Variants in EVC observed in about 807,000 individuals in gnomAD.
The protein encoded by EVC is evC complex member EVC.
A neutral mutation model predicts 118.9 loss-of-function variants in EVC; 116 were observed. That is an observed-to-expected ratio of 0.98 (90% CI 0.84 to 1.14). The LOEUF (loss-of-function observed/expected upper bound fraction) is 1.14, where lower values mean the gene tolerates loss of function less well. Among genes scored for constraint, EVC ranks in the 50% most tolerant of loss-of-function variants. EVC has a pLI of 0.00. For missense variants in EVC, 1,401 were observed against 1,246.4 expected (o/e 1.12, Z -1.87); for synonymous variants, 619 against 534.7 (o/e 1.16, Z -2.18).
In EVC at chr4:5,811,624, C is replaced by G. The variant is rs568530777; in HGVS notation, c.*587C>G. 1 of 168,726 alleles carries G rather than the reference C, an allele frequency of 5.9e-6. No homozygotes were observed. Among genetic ancestry groups the G allele is most frequent in the Non-Finnish European group, 1.3e-5 (1 of 78,990 alleles). The allele number at this position is 168,726 out of a possible 1,614,324, so 10.5% of individuals were successfully genotyped here. A position where few individuals can be genotyped will look rare whatever the true frequency, so the allele number is the denominator to read the frequency against. ...GCATCCAGAAACTTCCAGACCAGCC[C>G]TCTCACCACACCCAGAAGAGGCCTT... On this transcript the variant is annotated 3_prime_UTR_variant, in exon 21 of 21. Coordinates refer to ENST00000264956, the MANE Select transcript of EVC (RefSeq NM_153717.3).
chr4:5,765,275 T>C lies in EVC; in HGVS notation c.1563+8913T>C, dbSNP rs1173061409. Among the ~76,000 whole-genome samples the C allele has an allele frequency of 1.7e-5, 2 of 118,000 alleles. 1 individual carries two copies. Among genetic ancestry groups the C allele is most frequent in the African/African-American group, 6.6e-5 (2 of 30,316 alleles). The allele number at this position is 118,000 out of a possible 152,430, so 77.4% of individuals were successfully genotyped here. On this transcript the variant is annotated intron_variant, in intron 11 of 20. Coordinates refer to ENST00000264956, the MANE Select transcript of EVC (RefSeq NM_153717.3). ...GCACTGTGGTCTGAGAGATAGTTTGTTATAAATTCTATTCTTTTACATTTG... is the reference window on the plus strand; with the variant it reads ...GCACTGTGGTCTGAGAGATAGTTTGCTATAAATTCTATTCTTTTACATTTG...
Position 5,801,930 on chromosome 4 carries a change from T to C in EVC, c.2305-20T>C. On this transcript the variant is annotated intron_variant, in intron 15 of 20. Coordinates refer to ENST00000264956, the MANE Select transcript of EVC (RefSeq NM_153717.3). ...ACGTGTGACTTCTCTGCTGTCCCTG[T>C]CCTTCCTTTCTTCCCTCAGAGGACA... The C allele has an allele frequency of 6.2e-7, 1 of 1,611,994 alleles. No homozygotes were observed. Among genetic ancestry groups the C allele is most frequent in the Non-Finnish European group, 8.5e-7 (1 of 1,179,678 alleles).
At position 5,811,527 on chromosome 4, in the gene EVC, C is replaced by G. The variant is rs1418224329; in HGVS notation, c.*490C>G. The G allele has an allele frequency of 4.9e-6, 1 of 202,728 alleles. No individual in the cohort carries two copies. The highest frequency in any genetic ancestry group is 1.0e-5 in the Non-Finnish European group (1 of 99,424). The allele number at this position is 202,728 out of a possible 1,614,324, so 12.6% of individuals were successfully genotyped here. A position where few individuals can be genotyped will look rare whatever the true frequency, so the allele number is the denominator to read the frequency against. ...CACTTCACCTGGGGAGGGGCTTCTT[C>G]CGGACAGTAGACACCCTGCCCGTGC... is the stretch of plus-strand genomic sequence containing the variant. On this transcript the variant is annotated 3_prime_UTR_variant, in exon 21 of 21. Coordinates refer to ENST00000264956, the MANE Select transcript of EVC (RefSeq NM_153717.3).
the EVC span, chr4:5,825,691 G>A: frequency 6.6e-4 from 1,064 of 1,606,728 alleles, 7 homozygotes; most frequent in African/African-American, 0.013. This position sits in a 1 kb window ranked among gnomAD's most constrained non-coding sequence, Gnocchi z 4.4. Context: ...GTGATTGATC[G>A]ACACTGTGCA....
chr4:5,821,260 A>ACAT, the EVC span: 1 of 153,624 alleles, frequency 6.5e-6, no homozygotes, highest in South Asian at 2.0e-4. The surrounding 1 kb of genome is among the most constrained non-coding windows in gnomAD (Gnocchi z 4.4). Flanking sequence ...CAATGAGTAA[A>ACAT]CATCTTCACT....
intron 11 of EVC, among the ~76,000 whole-genome samples, chr4:5,781,340 G>A (rs1735570344): frequency 6.6e-6 from 1 of 152,136 alleles, no homozygotes; most frequent in Non-Finnish European, 1.5e-5. Flanking sequence ...GGGAGCTGTG[G>A]TCTAGGGGAA....
At position 5,812,390 on chromosome 4, in the gene EVC, A is replaced by G. The variant is rs1285659603; in HGVS notation, c.*1353A>G. 5.9e-6 allele frequency: 1 copy of G among 170,238 alleles called. No homozygotes were observed. The highest frequency in any genetic ancestry group is 1.2e-5 in the Non-Finnish European group (1 of 81,066). 10.5% of individuals were successfully genotyped at this position (170,238 alleles called of 1,614,324 possible). The stretch of plus-strand genomic sequence containing the variant: ...CAGACCAGCCCCTCACACCACAGCC[A>G]GGAGAGGCCTTTCCCGCCTGGAGAG... On this transcript the variant is annotated 3_prime_UTR_variant, in exon 21 of 21. Transcript: ENST00000264956.
chr4:5,770,562 T>G (rs1733784331), intron 11 of EVC, among the ~76,000 whole-genome samples: 1 of 152,198 alleles, frequency 6.6e-6, no homozygotes, highest in Non-Finnish European at 1.5e-5. Flanking sequence ...AAGTAGTGAT[T>G]CGGAGAACAC....
At chr4:5,720,375 T>C (rs775646449) in intron 2 of EVC, among the ~76,000 whole-genome samples, 11 of 152,160 alleles carry the variant, frequency 7.2e-5, no homozygotes, top group Admixed American at 2.0e-4. Context: ...AGAGGTAGGC[T>C]GCTTTCCTGA....
chr4:5,824,751 C>G, the EVC span: 62 of 985,254 alleles, frequency 6.3e-5, no homozygotes, highest in Middle Eastern at 1.0e-3. Context: ...TCACCATACT[C>G]TTAGTACCCA....
At chr4:5,728,809 T>G (rs1466896116) in intron 2 of EVC, among the ~76,000 whole-genome samples, 1 of 152,234 alleles carries the variant, frequency 6.6e-6, no homozygotes, top group Non-Finnish European at 1.5e-5. Flanking sequence ...TTCTAATTCC[T>G]TAGGAGACTC....
chr4:5,825,236 G>C, the EVC span: 1 of 985,262 alleles, frequency 1.0e-6, no homozygotes, highest in Admixed American at 6.1e-5. This position sits in a 1 kb window ranked among gnomAD's most constrained non-coding sequence, Gnocchi z 4.4. Context: ...TGAGCACTGG[G>C]ACAATTTTGG....
intron 11 of EVC, among the ~76,000 whole-genome samples, chr4:5,766,034 G>T (rs1445849870): frequency 7.5e-6 from 1 of 133,848 alleles, no homozygotes; most frequent in Non-Finnish European, 1.6e-5. Flanking sequence ...TTTTGCAGCG[G>T]CTTGTACCGG....
intron 12 of EVC, among the ~76,000 whole-genome samples, chr4:5,793,353 T>G (rs1471695248): frequency 6.6e-6 from 1 of 152,140 alleles, no homozygotes; most frequent in African/African-American, 2.4e-5. Flanking sequence ...CCTTCCTTAC[T>G]CCACAGAAAA....
At chr4:5,728,772 G>T (rs1389617236) in intron 2 of EVC, among the ~76,000 whole-genome samples, 1 of 152,172 alleles carries the variant, frequency 6.6e-6, no homozygotes, top group Non-Finnish European at 1.5e-5. Context: ...CCCTGGCAAT[G>T]CTAAAATTAT....
In EVC at chr4:5,756,413, T is replaced by G. The variant is rs1017013031; in HGVS notation, c.1563+51T>G. ...AGAGAAGCCCCAGGGTCTGTGTGTGTGCGAGAACCTCACATCCTCCTGGCT... is the reference window on the plus strand; with the variant it reads ...AGAGAAGCCCCAGGGTCTGTGTGTGGGCGAGAACCTCACATCCTCCTGGCT... On this transcript the variant is annotated intron_variant, in intron 11 of 20. Transcript: ENST00000264956. The surrounding 1 kb of genome is among the most constrained non-coding windows in gnomAD (Gnocchi z 4.2). 1.4e-6 allele frequency: 2 copies of G among 1,477,712 alleles called. No homozygotes were observed. Among genetic ancestry groups the G allele is most frequent in the Admixed American group, 1.9e-5 (1 of 52,200 alleles). 91.5% of individuals were successfully genotyped at this position (1,477,712 alleles called of 1,614,324 possible). A position where few individuals can be genotyped will look rare whatever the true frequency, so the allele number is the denominator to read the frequency against.
At chr4:5,729,507 C>A in intron 3 of EVC, 117 bp downstream of exon 3, 1 of 1,020,866 alleles carries the variant, frequency 9.8e-7, no homozygotes, top group Non-Finnish European at 1.5e-6. Flanking sequence ...GGTTTTATGG[C>A]AAGTCATTTT....
At chr4:5,823,626 G>T in the EVC span, among the ~76,000 whole-genome samples, 1 of 152,194 alleles carries the variant, frequency 6.6e-6, no homozygotes, top group Non-Finnish European at 1.5e-5. Flanking sequence ...GCTCTCGGAA[G>T]AACTGGTTGT....
chr4:5,746,981 G>A lies in EVC; in HGVS notation c.940-1167G>A, dbSNP rs763952672. ...TTGGCAGGTGACAGTCTGCAGTCAC[G>A]TGGCAGGTGGAAGGCAGGTCATCTG... On this transcript the variant is annotated intron_variant, in intron 7 of 20. Transcript: ENST00000264956. The surrounding 1 kb of genome is among the most constrained non-coding windows in gnomAD (Gnocchi z 5.8). Among the ~76,000 whole-genome samples, 2 of 152,092 alleles carry A rather than the reference G, an allele frequency of 1.3e-5. No homozygotes were observed.
Sources: gnomAD v4.1 joint callset for allele counts (sites outside exome capture counted in the v4.1 genomes callset) on GRCh38, gnomAD v4.1.1 for gene constraint, Gnocchi (gnomAD v3.1) non-coding constraint, MANE v1.5 for transcripts, NCBI Gene and HGNC (gene_info 2026-07-23, HGNC 2026-07-21) for gene names.